The following TSC22D2 variants were observed in gnomAD, a reference collection of about 807,000 sequenced individuals.
TSC22D2 encodes the protein TSC22 domain family protein 2.
Under a neutral mutation model 50.1 loss-of-function variants are expected in TSC22D2, and 5 were observed. The observed-to-expected ratio is 0.10, with a 90% CI of 0.05 to 0.21. The LOEUF (loss-of-function observed/expected upper bound fraction) is 0.21. Among genes scored for constraint, TSC22D2 ranks in the 10% least tolerant of loss-of-function variants. TSC22D2 has a pLI of 1.00. For missense variants in TSC22D2, 1,003 were observed against 1,015.5 expected (o/e 0.99, Z 0.17); for synonymous variants, 501 against 450.1 (o/e 1.11, Z -1.43).
Position 150,410,951 on chromosome 3 carries a change from C to G in TSC22D2, c.1601C>G (p.Pro534Arg), listed in dbSNP as rs199669879. The G allele has an allele frequency of 5.0e-6, 8 of 1,614,208 alleles. No individual in the cohort carries two copies. The highest frequency in any genetic ancestry group is 6.8e-6 in the Non-Finnish European group (8 of 1,180,044). ...GTTACTATGCCAAATGTACCCGCGC[C>G]TCTGGCCCAGTCGCAACAGCTGAGC... ...TSVTMPNVPAPLAQSQQLSSH... is the reference protein window; with the variant it reads ...TSVTMPNVPARLAQSQQLSSH... Residue 534 changes from proline to arginine, a missense_variant, in exon 1 of 3, where the codon CCT (proline) becomes CGT (arginine). Pro to Arg is a moderately radical substitution (Grantham distance 103). This residue lies in a region of TSC22D2 where 696 missense variants were observed against 647.8 expected (regional missense o/e 1.07). Transcript: ENST00000688009.
chr3:150,457,994 C>T (rs540531941), intron 2 of TSC22D2, among the ~76,000 whole-genome samples: 1 of 152,274 alleles, frequency 6.6e-6, no homozygotes, highest in African/African-American at 2.4e-5. Context: ...TTACAGATCA[C>T]TTTAAAGCAG....
intron 1 of TSC22D2, among the ~76,000 whole-genome samples, chr3:150,415,073 G>GTAT (rs1719750221): frequency 2.6e-5 from 4 of 151,900 alleles, no homozygotes; most frequent in African/African-American, 9.7e-5. Flanking sequence ...TGATACTGAT[G>GTAT]TATTCATCAG....
At chr3:150,411,843 C>G (rs113220765) in intron 1 of TSC22D2, among the ~76,000 whole-genome samples, 1 of 152,130 alleles carries the variant, frequency 6.6e-6, no homozygotes, top group Admixed American at 6.5e-5. Context: ...GAAGATCATA[C>G]TTAGTTCAGC....
chr3:150,445,493 A>G (rs1037636840), intron 1 of TSC22D2, among the ~76,000 whole-genome samples: 6 of 152,226 alleles, frequency 3.9e-5, no homozygotes, highest in Admixed American at 3.3e-4. Flanking sequence ...TGGGTGAAAC[A>G]TAAATATAAA....
Position 150,443,233 on chromosome 3 carries a change from G to A in TSC22D2, c.1959-13843G>A, listed in dbSNP as rs142426736. On this transcript the variant is annotated intron_variant, in intron 1 of 2. Coordinates refer to ENST00000688009, the MANE Select transcript of TSC22D2 (RefSeq NM_001303264.2). ...CTCATAAACCCTTTCTGTAAAATAG[G>A]GAATCTTAAAATGTGAAGCAGAAAA... Among the ~76,000 whole-genome samples the A allele has an allele frequency of 9.4e-3, 1,428 of 152,116 alleles. 15 individuals are homozygous for A. Among genetic ancestry groups the A allele is most frequent in the African/African-American group, 0.032 (1,343 of 41,480 alleles).
chr3:150,461,275 C>G lies in TSC22D2; in HGVS notation c.*2639C>G, dbSNP rs1036242552. 9 of 152,188 alleles carry G rather than the reference C, an allele frequency of 5.9e-5. No homozygotes were observed. Among genetic ancestry groups the G allele is most frequent in the African/African-American group, 1.7e-4 (7 of 41,440 alleles). The allele number at this position is 152,188 out of a possible 1,614,324, so 9.4% of individuals were successfully genotyped here. A position where few individuals can be genotyped will look rare whatever the true frequency, so the allele number is the denominator to read the frequency against. On this transcript the variant is annotated 3_prime_UTR_variant, in exon 3 of 3. Transcript: ENST00000688009. ...CCTCCCCTCAAAATCCAAACTATCC[C>G]TACTGTCAACCCTTCCCCCAGCTGA...
chr3:150,440,531 T>A (rs1720682051), intron 1 of TSC22D2, among the ~76,000 whole-genome samples: 1 of 152,108 alleles, frequency 6.6e-6, no homozygotes, highest in Non-Finnish European at 1.5e-5. Flanking sequence ...TTAGGATTTA[T>A]AAACAGCAAA....
At position 150,410,682 on chromosome 3, in the gene TSC22D2, G is replaced by T. The variant is rs1177731228; in HGVS notation, c.1332G>T (p.Ala444=). 9.6e-6 allele frequency: 15 copies of T among 1,561,340 alleles called. No homozygotes were observed. The highest frequency in any genetic ancestry group is 1.2e-5 in the Non-Finnish European group (14 of 1,155,278). Residue 444 remains alanine, a synonymous_variant, in exon 1 of 3, where the codon GCG becomes GCT. Coordinates refer to ENST00000688009, the MANE Select transcript of TSC22D2 (RefSeq NM_001303264.2). ...CCATGGCCCCCCGGACGGGACCAGC[G>T]CAAGGCGGGCAGGTCGCGCCTTGTC... is the stretch of plus-strand genomic sequence containing the variant. ...SEAMAPRTGP[A]QGGQVAPCQP... is the part of the protein sequence containing the mutation.
At chr3:150,423,366 G>A (rs144848528) in intron 1 of TSC22D2, 307 of 253,250 alleles carry the variant, frequency 1.2e-3, no homozygotes, top group African/African-American at 6.4e-3. Flanking sequence ...TTCATACTGT[G>A]TTGAATTTTT....
rs997251581 is a variant in TSC22D2, at chr3:150,463,211, C to T, written c.*4575C>T. On this transcript the variant is annotated 3_prime_UTR_variant, in exon 3 of 3. Coordinates refer to ENST00000688009, the MANE Select transcript of TSC22D2 (RefSeq NM_001303264.2). ...TGATTCCAAAGCCTTTCCCTAAAAT[C>T]TATTCCTTGCTCCCTGGAAAGGATA... The T allele has an allele frequency of 1.3e-5, 2 of 152,226 alleles. No individual in the cohort carries two copies. 9.4% of individuals were successfully genotyped at this position (152,226 alleles called of 1,614,324 possible).
intron 1 of TSC22D2, among the ~76,000 whole-genome samples, chr3:150,445,945 G>A (rs1399626619): frequency 6.6e-6 from 1 of 151,700 alleles, no homozygotes; most frequent in Non-Finnish European, 1.5e-5. Context: ...AATACAAAAA[G>A]TAGCTGGGCA....
chr3:150,414,881 G>A (rs1719743057), intron 1 of TSC22D2, among the ~76,000 whole-genome samples: 1 of 151,032 alleles, frequency 6.6e-6, no homozygotes, highest in Admixed American at 6.6e-5. Flanking sequence ...TTTCTTGGAA[G>A]CTGACATTTA....
Position 150,460,716 on chromosome 3 carries a change from T to C in TSC22D2, c.*2080T>C, listed in dbSNP as rs1340347557. Reference sequence around the variant, plus strand: ...TGTTGGACTGTTAACCGAAAAGGTTTGCTGGCTGTGCCCCTCCAGTGCTAA... The same window carrying C: ...TGTTGGACTGTTAACCGAAAAGGTTCGCTGGCTGTGCCCCTCCAGTGCTAA... On this transcript the variant is annotated 3_prime_UTR_variant, in exon 3 of 3. Coordinates refer to ENST00000688009, the MANE Select transcript of TSC22D2 (RefSeq NM_001303264.2). 1 of 152,234 alleles carries C rather than the reference T, an allele frequency of 6.6e-6. No homozygotes were observed. The highest frequency in any genetic ancestry group is 1.5e-5 in the Non-Finnish European group (1 of 68,060). 9.4% of individuals were successfully genotyped at this position (152,234 alleles called of 1,614,324 possible). A position where few individuals can be genotyped will look rare whatever the true frequency, so the allele number is the denominator to read the frequency against.
At position 150,465,752 on chromosome 3, in the gene TSC22D2, G is replaced by A. The variant is rs1469703374; in HGVS notation, c.*7116G>A. 1 of 152,132 alleles carries A rather than the reference G, an allele frequency of 6.6e-6. No homozygotes were observed. The highest frequency in any genetic ancestry group is 1.9e-4 in the East Asian group (1 of 5,202). The allele number at this position is 152,132 out of a possible 1,614,324, so 9.4% of individuals were successfully genotyped here. On this transcript the variant is annotated 3_prime_UTR_variant, in exon 3 of 3. Coordinates refer to ENST00000688009, the MANE Select transcript of TSC22D2 (RefSeq NM_001303264.2). ...TTTAAACTTCAAACCTTTCTGCATA[G>A]TATAATAAAAATCTCTCACTATCCC...
Position 150,461,949 on chromosome 3 carries a change from T to G in TSC22D2, c.*3313T>G, listed in dbSNP as rs1392312674. ...TAGCTAATTGTCTGGAAACAATTTTTAAGATTTGAAGTCACATTTTTAAAA... is the reference window on the plus strand; with the variant it reads ...TAGCTAATTGTCTGGAAACAATTTTGAAGATTTGAAGTCACATTTTTAAAA... On this transcript the variant is annotated 3_prime_UTR_variant, in exon 3 of 3. Coordinates refer to ENST00000688009, the MANE Select transcript of TSC22D2 (RefSeq NM_001303264.2). 1 of 152,170 alleles carries G rather than the reference T, an allele frequency of 6.6e-6. No individual in the cohort carries two copies. The highest frequency in any genetic ancestry group is 1.9e-4 in the East Asian group (1 of 5,194). 9.4% of individuals were successfully genotyped at this position (152,170 alleles called of 1,614,324 possible).
chr3:150,420,331 T>C (rs1330723526), intron 1 of TSC22D2, among the ~76,000 whole-genome samples: 3 of 152,240 alleles, frequency 2.0e-5, no homozygotes, highest in Non-Finnish European at 4.4e-5. Context: ...ATCCCAGTTA[T>C]AGTATCCCAG....
In TSC22D2 at chr3:150,408,899, G is replaced by GCCGCCA. The variant is rs1296409115; in HGVS notation, c.-446_-441dup. On this transcript the variant is annotated 5_prime_UTR_variant, in exon 1 of 3. Coordinates refer to ENST00000688009, the MANE Select transcript of TSC22D2 (RefSeq NM_001303264.2). ...GCGGGGCAGCACCGCCCCTCACGCC[G>GCCGCCA]CCGCCACCGCCTCCTCCTCCTCCTC... 6.1e-6 allele frequency: 1 copy of GCCGCCA among 164,216 alleles called. No individual in the cohort carries two copies. The highest frequency in any genetic ancestry group is 2.4e-5 in the African/African-American group (1 of 41,630). The allele number at this position is 164,216 out of a possible 1,614,324, so 10.2% of individuals were successfully genotyped here.
At chr3:150,422,057 C>T (rs576312052) in intron 1 of TSC22D2, among the ~76,000 whole-genome samples, 78 of 152,336 alleles carry the variant, frequency 5.1e-4, no homozygotes, top group African/African-American at 1.8e-3. Flanking sequence ...ATGGTGCCTA[C>T]CTCTTAGGGC....
intron 1 of TSC22D2, among the ~76,000 whole-genome samples, chr3:150,444,326 A>T (rs1720811254): frequency 6.6e-6 from 1 of 152,332 alleles, no homozygotes; most frequent in East Asian, 1.9e-4. Flanking sequence ...ATTAGATAAT[A>T]TATTGTAAGT....
Sources: gnomAD v4.1 joint callset for allele counts (sites outside exome capture counted in the v4.1 genomes callset) on GRCh38, gnomAD v4.1.1 for gene constraint, gnomAD v4.1.1 regional missense constraint, MANE v1.5 for transcripts, NCBI Gene and HGNC (gene_info 2026-07-23, HGNC 2026-07-21) for gene names.